The following TULP3 variants were observed in gnomAD, a reference collection of about 807,000 sequenced individuals.
TULP3 encodes tubby-related protein 3.
A neutral mutation model predicts 50.7 loss-of-function variants in TULP3; 38 were observed. That is an observed-to-expected ratio of 0.75 (90% CI 0.58 to 0.98). TULP3 has a LOEUF of 0.98. Among genes scored for constraint, TULP3 ranks in the 50% least tolerant of loss-of-function variants. The pLI, the probability that TULP3 is intolerant of heterozygous loss-of-function variation, is 0.00. For synonymous variants in TULP3, 183 were observed against 196.6 expected (o/e 0.93, Z 0.58); for missense variants, 550 against 568.0 (o/e 0.97, Z 0.32).
At chr12:2,893,667 A>ATTAC (rs1269488772) in intron 1 of TULP3, among the ~76,000 whole-genome samples, 1 of 148,214 alleles carries the variant, frequency 6.7e-6, no homozygotes, top group Non-Finnish European at 1.5e-5. Context: ...AATTTTCTGT[A>ATTAC]TTACTGCCTT....
chr12:2,910,279 GAA>G (rs59797009), intron 2 of TULP3, among the ~76,000 whole-genome samples: 2 of 149,600 alleles, frequency 1.3e-5, no homozygotes, highest in African/African-American at 2.4e-5. Flanking sequence ...CCGTCTCAAA[GAA>G]AAAAAAAAAT....
chr12:2,940,858 A>G lies in TULP3; in HGVS notation c.*1414A>G, dbSNP rs1334125580. On this transcript the variant is annotated 3_prime_UTR_variant, in exon 11 of 11. Coordinates refer to ENST00000448120, the MANE Select transcript of TULP3 (RefSeq NM_003324.5). ...AAGTGCCTCCCTCACAGCCATGCCC[A>G]GAAGCCTCACACCTCGTCACCACCA... is the stretch of plus-strand genomic sequence containing the variant. 1.2e-6 allele frequency: 1 copy of G among 816,926 alleles called. No homozygotes were observed. The highest frequency in any genetic ancestry group is 1.8e-5 in the South Asian group (1 of 54,108). 50.6% of individuals were successfully genotyped at this position (816,926 alleles called of 1,614,324 possible). A position where few individuals can be genotyped will look rare whatever the true frequency, so the allele number is the denominator to read the frequency against.
chr12:2,936,393 A>T (rs138126834), intron 8 of TULP3, among the ~76,000 whole-genome samples: 19 of 152,214 alleles, frequency 1.2e-4, no homozygotes, highest in African/African-American at 4.1e-4. Flanking sequence ...TGGGAAATAA[A>T]TATGTGTTGG....
intron 1 of TULP3, among the ~76,000 whole-genome samples, chr12:2,895,911 T>TATCTAAAC (rs1555110892): frequency 2.0e-5 from 3 of 151,374 alleles, no homozygotes; most frequent in Non-Finnish European, 2.9e-5. Flanking sequence ...AGTATTAGCA[T>TATCTAAAC]ATCTAAACAT....
At chr12:2,915,269 C>T (rs370809821) in intron 2 of TULP3, among the ~76,000 whole-genome samples, 15 of 152,170 alleles carry the variant, frequency 9.9e-5, no homozygotes, top group Admixed American at 8.5e-4. Context: ...GGATTACAGG[C>T]GTGAGCCACT....
At chr12:2,930,447 G>A (rs370816110) in intron 5 of TULP3, 102 bp downstream of exon 5, 1 of 774,038 alleles carries the variant, frequency 1.3e-6, no homozygotes, top group South Asian at 2.2e-5. Context: ...TTTTTGAGGT[G>A]GAGTCTCGCT....
rs71057864 is a variant in TULP3 at position 2,927,366 on chromosome 12, A to ATTTTTTTTTTTTTT, written c.395-2877_395-2864dup. 4.9e-3 allele frequency among the ~76,000 whole-genome samples: 511 copies of ATTTTTTTTTTTTTT among 104,962 alleles called. 29 individuals carry two copies. Among genetic ancestry groups the ATTTTTTTTTTTTTT allele is most frequent in the South Asian group, 6.9e-3 (21 of 3,036 alleles). The allele number at this position is 104,962 out of a possible 152,430, so 68.9% of individuals were successfully genotyped here. On this transcript the variant is annotated intron_variant, in intron 4 of 10. Coordinates refer to ENST00000448120, the MANE Select transcript of TULP3 (RefSeq NM_003324.5). ...GGACCTATGTTTTCAGTTGAGACTG[A>ATTTTTTTTTTTTTT]TTTTTTTTTTTTTTTTTTGAGACCA... is the stretch of plus-strand genomic sequence containing the variant.
chr12:2,891,589 C>T (rs1046577434), intron 1 of TULP3, among the ~76,000 whole-genome samples: 2 of 152,024 alleles, frequency 1.3e-5, no homozygotes, highest in Non-Finnish European at 2.9e-5. Context: ...AGAGGGAGAG[C>T]CTCGGAAAAA....
chr12:2,900,402 A>G (rs1796350971), intron 1 of TULP3, among the ~76,000 whole-genome samples: 1 of 152,170 alleles, frequency 6.6e-6, no homozygotes, highest in African/African-American at 2.4e-5. Context: ...TCAATATATC[A>G]ATAACAGATT....
intron 1 of TULP3, among the ~76,000 whole-genome samples, chr12:2,892,743 CTGG>C (rs2098172908): frequency 6.6e-6 from 1 of 152,158 alleles, no homozygotes. Context: ...ATTTCTTGAC[CTGG>C]TGATCTGCCC....
At chr12:2,923,172 A>G (rs1015846255) in intron 4 of TULP3, among the ~76,000 whole-genome samples, 2 of 152,140 alleles carry the variant, frequency 1.3e-5, no homozygotes, top group Non-Finnish European at 2.9e-5. Context: ...AAATAATTTT[A>G]TAATGAGAAG....
intron 2 of TULP3, 27 bp downstream of exon 2, chr12:2,909,607 A>G: frequency 6.3e-7 from 1 of 1,580,902 alleles, no homozygotes; most frequent in East Asian, 2.3e-5. Flanking sequence ...CTTTTGAAAT[A>G]GGTGGCCAAC....
intron 2 of TULP3, among the ~76,000 whole-genome samples, chr12:2,918,818 G>A (rs1435026720): frequency 6.6e-6 from 1 of 152,140 alleles, no homozygotes; most frequent in African/African-American, 2.4e-5. Flanking sequence ...GGGATTACAG[G>A]CATGAGCCAC....
intron 2 of TULP3, among the ~76,000 whole-genome samples, chr12:2,913,888 C>T (rs1478061208): frequency 6.6e-6 from 1 of 152,196 alleles, no homozygotes; most frequent in African/African-American, 2.4e-5. Context: ...GGATTACAGG[C>T]ATGAGCCACT....
chr12:2,919,860 T>A (rs781030507), intron 2 of TULP3, among the ~76,000 whole-genome samples: 1 of 152,082 alleles, frequency 6.6e-6, no homozygotes, highest in Non-Finnish European at 1.5e-5. Context: ...CTATTTGATA[T>A]GTTCCAACTG....
chr12:2,919,123 C>T (rs938834762), intron 2 of TULP3, among the ~76,000 whole-genome samples: 1 of 152,086 alleles, frequency 6.6e-6, no homozygotes, highest in Non-Finnish European at 1.5e-5. Flanking sequence ...AACTCCTGAC[C>T]TCAAGTGATC....
chr12:2,929,340 A>C (rs11062420), intron 4 of TULP3, among the ~76,000 whole-genome samples: 72,653 of 151,910 alleles, frequency 0.48, 17,850 homozygotes, highest in African/African-American at 0.6. Flanking sequence ...GTTCGGGTGT[A>C]ATTCTGTCAC....
rs1221938541 is a variant in TULP3 at position 2,930,255 on chromosome 12, T to C, written c.402T>C (p.Ser134=). Residue 134 remains serine, a synonymous_variant, in exon 5 of 11, where the codon TCT becomes TCC. Transcript: ENST00000448120. ...TTCTTCCTTTTCTGCTAGATATCTC[T>C]GAAAGTGTGAACTTCGATGAGGAGA... ...LQERLQKHDI[S]ESVNFDEETD... is the part of the protein sequence containing the mutation. 5.6e-6 allele frequency: 9 copies of C among 1,611,196 alleles called. No individual in the cohort carries two copies. The East Asian group carries it at 2.0e-4, about 36-fold the overall frequency.
chr12:2,913,884 C>T (rs1216337097), intron 2 of TULP3, among the ~76,000 whole-genome samples: 5 of 152,146 alleles, frequency 3.3e-5, no homozygotes, highest in African/African-American at 1.2e-4. Flanking sequence ...GCTGGGATTA[C>T]AGGCATGAGC....
Sources: allele counts gnomAD v4.1 joint callset (sites outside exome capture counted in the v4.1 genomes callset), GRCh38; gene constraint gnomAD v4.1.1; transcripts MANE v1.5; gene names NCBI Gene and HGNC (gene_info 2026-07-23, HGNC 2026-07-21).